The following EFCAB9 variants were observed in gnomAD, a reference collection of about 807,000 sequenced individuals.
EFCAB9 encodes the protein EF-hand calcium binding domain 9.
A neutral mutation model predicts 15.6 loss-of-function variants in EFCAB9; 16 were observed. The ratio of observed to expected loss-of-function variants is 1.03; its 90% CI spans 0.69 to 1.56. EFCAB9 has a LOEUF of 1.56. EFCAB9 is among the 40% of genes most tolerant of loss of function. The pLI, the probability that EFCAB9 is intolerant of heterozygous loss-of-function variation, is 0.00. For missense variants in EFCAB9, 208 were observed against 235.4 expected, an observed-to-expected ratio of 0.88 and a Z score of 0.76; for synonymous variants, 76 against 85.4, an observed-to-expected ratio of 0.89 and a Z score of 0.61.
intron 1 of EFCAB9, 140 bp from the exon 2 acceptor site, chr5:172,199,243 A>G: frequency 1.7e-6 from 2 of 1,146,324 alleles, no homozygotes; most frequent in Non-Finnish European, 2.4e-6. Context: ...TACAGTGGCA[A>G]AGCCAGAAAC....
chr5:172,200,553 T>C lies in EFCAB9; in HGVS notation c.286-13T>C. ...AACACTGTTGCTCATCTCACCTATT[T>C]CTCTCGCAATAGAACCATTTGGAAG... is the stretch of plus-strand genomic sequence containing the variant. On this transcript the variant is annotated splice_polypyrimidine_tract_variant and intron_variant, in intron 2 of 3. Coordinates refer to ENST00000398186, the MANE Select transcript of EFCAB9 (RefSeq NM_001171183.2). 1 of 1,530,926 alleles carries C rather than the reference T, an allele frequency of 6.5e-7. No homozygotes were observed. Among genetic ancestry groups the C allele is most frequent in the Non-Finnish European group, 8.7e-7 (1 of 1,143,918 alleles). 94.8% of individuals were successfully genotyped at this position (1,530,926 alleles called of 1,614,324 possible). A position where few individuals can be genotyped will look rare whatever the true frequency, so the allele number is the denominator to read the frequency against.
At chr5:172,198,571 A>G (rs113544055) in intron 1 of EFCAB9, among the ~76,000 whole-genome samples, 13,709 of 152,318 alleles carry the variant, frequency 0.09, 653 homozygotes, top group Admixed American at 0.13. Context: ...CATTTGCTTT[A>G]TACAAGCATG....
intron 2 of EFCAB9, 98 bp from the exon 3 acceptor site, chr5:172,200,468 C>T (rs1025704214): frequency 2.3e-5 from 29 of 1,271,826 alleles, no homozygotes; most frequent in Non-Finnish European, 2.9e-5. Context: ...TTTTAGCTCT[C>T]TAGGGAAGGG....
In EFCAB9 at chr5:172,200,698, G is replaced by C; in HGVS notation, c.418G>C (p.Glu140Gln). 3.3e-6 allele frequency: 5 copies of C among 1,537,472 alleles called. No individual in the cohort carries two copies. The highest frequency in any genetic ancestry group is 3.5e-6 in the Non-Finnish European group (4 of 1,146,942). The part of the protein sequence containing the change: ...YRFLFNIQKQ[E>Q]LKDLFRDFDI... ...ATTTCTCTTCAATATTCAAAAACAG[G>C]AACTCAAAGATCTCTTCCGTGACTT... The change falls in exon 3 of 4, where the codon GAA (glutamate) becomes CAA (glutamine). Residue 140 changes from glutamate (E) to glutamine (Q), a missense_variant. By Grantham distance (29) the Glu-to-Gln change is conservative (BLOSUM62 2). Coordinates refer to ENST00000398186, the MANE Select transcript of EFCAB9 (RefSeq NM_001171183.2).
rs192777579 is a variant in EFCAB9, at chr5:172,198,764, T to C, written c.137-619T>C. ...CCAAGTAGCTGGGACTACAGGTGTG[T>C]GCCACCACGCCTGGCTAATTTTTGT... is the stretch of plus-strand genomic sequence containing the variant. On this transcript the variant is annotated intron_variant, in intron 1 of 3. Coordinates refer to ENST00000398186, the MANE Select transcript of EFCAB9 (RefSeq NM_001171183.2). Among the ~76,000 whole-genome samples the C allele has an allele frequency of 1.8e-3, 265 of 151,218 alleles. 1 individual carries two copies. Among genetic ancestry groups the C allele is most frequent in the African/African-American group, 5.6e-3 (231 of 41,280 alleles).
intron 2 of EFCAB9, among the ~76,000 whole-genome samples, chr5:172,199,932 CTTTT>C (rs34086491): frequency 2.9e-5 from 3 of 102,334 alleles, no homozygotes; most frequent in Non-Finnish European, 5.8e-5. Flanking sequence ...ACCCAGTTTC[CTTTT>C]TTTTTTTTTT....
intron 2 of EFCAB9, among the ~76,000 whole-genome samples, chr5:172,199,932 C>CTT (rs34086491): frequency 0.014 from 1,421 of 102,356 alleles, 30 homozygotes; most frequent in East Asian, 0.021. Flanking sequence ...ACCCAGTTTC[C>CTT]TTTTTTTTTT....
intron 1 of EFCAB9, among the ~76,000 whole-genome samples, chr5:172,195,183 AAAATAAATAAAT>A (rs1554125607): frequency 1.4e-5 from 2 of 146,988 alleles, no homozygotes; most frequent in Admixed American, 6.8e-5. Context: ...TAAATAAATA[AAAATAAATAAAT>A]AAATAAATAA....
At chr5:172,199,570 G>T in intron 2 of EFCAB9, 39 bp downstream of exon 2, 2 of 1,534,328 alleles carry the variant, frequency 1.3e-6, no homozygotes, top group South Asian at 1.2e-5. Context: ...TCTTGCTAAT[G>T]GGAGCACTGA....
intron 1 of EFCAB9, among the ~76,000 whole-genome samples, chr5:172,196,344 C>T (rs1771161738): frequency 6.6e-6 from 1 of 151,910 alleles, no homozygotes; most frequent in Non-Finnish European, 1.5e-5. Context: ...TCAGCTGGGA[C>T]TCCACATTAC....
chr5:172,197,613 A>G (rs1027856731), intron 1 of EFCAB9, among the ~76,000 whole-genome samples: 11 of 152,168 alleles, frequency 7.2e-5, no homozygotes, highest in African/African-American at 1.9e-4. Flanking sequence ...GAGACTTACT[A>G]TAAAGGGTAT....
chr5:172,194,711 T>C (rs1402792630), intron 1 of EFCAB9, among the ~76,000 whole-genome samples: 2 of 152,140 alleles, frequency 1.3e-5, no homozygotes, highest in Admixed American at 6.5e-5. Context: ...TTAGTAAATA[T>C]TTTATCTTCT....
In EFCAB9 at chr5:172,203,199, C is replaced by CG. The variant is rs1771286253; in HGVS notation, c.463-15_463-14insG. The CG allele has an allele frequency of 7.9e-6, 7 of 884,752 alleles. No individual in the cohort carries two copies. The highest frequency in any genetic ancestry group is 3.4e-5 in the African/African-American group (1 of 29,462). 54.8% of individuals were successfully genotyped at this position (884,752 alleles called of 1,614,324 possible). A position where few individuals can be genotyped will look rare whatever the true frequency, so the allele number is the denominator to read the frequency against. On this transcript the variant is annotated splice_polypyrimidine_tract_variant and intron_variant, in intron 3 of 3. Coordinates refer to ENST00000398186, the MANE Select transcript of EFCAB9 (RefSeq NM_001171183.2). ...TCCTGAAATAATTTTTCTTTCCCCC[C>CG]CACCCTAACCAAAGCGTCTTAATTA...
intron 1 of EFCAB9, among the ~76,000 whole-genome samples, chr5:172,196,148 A>G (rs10069373): frequency 0.25 from 38,486 of 151,694 alleles, 6,156 homozygotes; most frequent in African/African-American, 0.45. Flanking sequence ...TTGTTAAGTA[A>G]TTACTAAGTT....
intron 3 of EFCAB9, among the ~76,000 whole-genome samples, chr5:172,202,418 G>A (rs1391916613): frequency 6.6e-6 from 1 of 150,778 alleles, no homozygotes; most frequent in African/African-American, 2.4e-5. Context: ...GGAAGAAAGT[G>A]ACCTTTGTGC....
At chr5:172,199,681 T>C (rs909906258) in intron 2 of EFCAB9, 150 bp downstream of exon 2, 1 of 1,204,816 alleles carries the variant, frequency 8.3e-7, no homozygotes, top group South Asian at 1.6e-5. Flanking sequence ...TTCAGGTTTT[T>C]CAACAGCTTC....
intron 1 of EFCAB9, among the ~76,000 whole-genome samples, chr5:172,198,293 G>A (rs1228503327): frequency 6.6e-6 from 1 of 152,104 alleles, no homozygotes; most frequent in Non-Finnish European, 1.5e-5. Flanking sequence ...TGGATTGCTT[G>A]AGCCCAGGAG....
At chr5:172,195,013 G>T (rs1771135550) in intron 1 of EFCAB9, among the ~76,000 whole-genome samples, 2 of 151,976 alleles carry the variant, frequency 1.3e-5, no homozygotes, top group South Asian at 4.1e-4. Flanking sequence ...TGTTATTATT[G>T]TAATTATTAT....
At chr5:172,201,617 G>A (rs2113861671) in intron 3 of EFCAB9, among the ~76,000 whole-genome samples, 1 of 152,282 alleles carries the variant, frequency 6.6e-6, no homozygotes, top group South Asian at 2.1e-4. Context: ...ATTATACTTT[G>A]GAGGAAATAT....
Sources: allele counts gnomAD v4.1 joint callset (sites outside exome capture counted in the v4.1 genomes callset), GRCh38; gene constraint gnomAD v4.1.1; transcripts MANE v1.5; gene names NCBI Gene and HGNC (gene_info 2026-07-23, HGNC 2026-07-21).